The following KMT2C variants were observed in gnomAD, a reference collection of about 807,000 sequenced individuals.
KMT2C encodes the protein histone-lysine N-methyltransferase 2C.
KMT2C carries 88 observed loss-of-function variants against 507.9 expected under a neutral mutation model. The ratio of observed to expected loss-of-function variants is 0.17; its 90% CI spans 0.15 to 0.21. The LOEUF (loss-of-function observed/expected upper bound fraction) is 0.21, where lower values mean the gene tolerates loss of function less well. Among genes scored for constraint, KMT2C ranks in the 10% least tolerant of loss-of-function variants. The probability of loss-of-function intolerance (pLI) is 1.00; values close to 1 mark genes in which losing one functional copy is unlikely to be tolerated. For synonymous variants in KMT2C, 2,049 were observed against 2,080.8 expected (o/e 0.98, Z 0.42); for missense variants, 4,954 against 5,957.8 (o/e 0.83, Z 5.55).
At chr7:152,198,445 C>T (rs2094030327) in intron 27 of KMT2C, among the ~76,000 whole-genome samples, 1 of 152,066 alleles carries the variant, frequency 6.6e-6, no homozygotes, top group African/African-American at 2.4e-5. Flanking sequence ...ATAAAATTAA[C>T]TGAGTAACAA....
intron 6 of KMT2C, among the ~76,000 whole-genome samples, chr7:152,296,447 G>A (rs10249375): frequency 0.051 from 7,321 of 144,212 alleles, 677 homozygotes; most frequent in African/African-American, 0.18. Context: ...AAAAAAAAAA[G>A]AGAGAGAGAG....
In KMT2C at chr7:152,177,047, T is replaced by A. The variant is rs749023036; in HGVS notation, c.8406A>T (p.Lys2802Asn). The change falls in exon 38 of 59, where the codon AAA (lysine) becomes AAT (asparagine). Residue 2802 changes from lysine to asparagine, a missense_variant. Physicochemically the swap from Lys to Asn is moderately conservative, Grantham distance 94. Coordinates refer to ENST00000262189, the MANE Select transcript of KMT2C (RefSeq NM_170606.3). ...AATGTTTATCAGAGAGAACCAGAGT[T>A]TTGTTTTCTTGTTCCTTTTTTTTTG... ...VEPKKKEQEN[K>N]TLVLSDKHSP... is the part of the protein sequence containing the mutation. 31 of 1,612,634 alleles carry A rather than the reference T, an allele frequency of 1.9e-5. No homozygotes were observed. The highest frequency in any genetic ancestry group is 2.3e-5 in the Non-Finnish European group (27 of 1,179,768).
chr7:152,343,450 GAAA>G (rs200886066), intron 2 of KMT2C, among the ~76,000 whole-genome samples: 1 of 72,458 alleles, frequency 1.4e-5, no homozygotes, highest in African/African-American at 4.6e-5. Flanking sequence ...AAAAGACTGG[GAAA>G]AAAAAAAAAA....
intron 38 of KMT2C, among the ~76,000 whole-genome samples, chr7:152,175,552 G>A (rs1398534815): frequency 6.7e-6 from 1 of 150,234 alleles, no homozygotes; most frequent in Non-Finnish European, 1.5e-5. Flanking sequence ...CCACTTATGA[G>A]TGAGAACATG....
At chr7:152,240,572 CTT>C (rs2095364646) in intron 14 of KMT2C, among the ~76,000 whole-genome samples, 1 of 152,262 alleles carries the variant, frequency 6.6e-6, no homozygotes, top group Non-Finnish European at 1.5e-5. Context: ...TTTCAACTTC[CTT>C]CTTAGCATTT....
At chr7:152,322,071 A>C (rs190186987) in intron 3 of KMT2C, among the ~76,000 whole-genome samples, 1 of 151,660 alleles carries the variant, frequency 6.6e-6, no homozygotes, top group African/African-American at 2.4e-5. Context: ...AAAAAAAAAA[A>C]CCATACATCT....
intron 53 of KMT2C, among the ~76,000 whole-genome samples, chr7:152,145,951 G>C (rs555213468): frequency 3.9e-5 from 6 of 152,286 alleles, no homozygotes; most frequent in Non-Finnish European, 8.8e-5. Context: ...CGATTCCAAA[G>C]AAAACAATTA....
chr7:152,374,265 G>A (rs922749623), intron 1 of KMT2C, among the ~76,000 whole-genome samples: 9 of 151,892 alleles, frequency 5.9e-5, no homozygotes, highest in South Asian at 2.1e-4. Flanking sequence ...GCAGTGACCC[G>A]AGATTGCACC....
chr7:152,158,991 T>C lies in KMT2C; in HGVS notation c.11542A>G (p.Lys3848Glu), dbSNP rs745987050. The C allele has an allele frequency of 1.1e-5, 18 of 1,614,232 alleles. No individual in the cohort carries two copies. The highest frequency in any genetic ancestry group is 1.4e-5 in the Non-Finnish European group (17 of 1,180,052). Reference sequence around the variant, plus strand: ...CTCTGAGTCCGTTTGCTTCGCTGTTTCTTGGTTTCACTTCCTCCATCTGTT... The same window carrying C: ...CTCTGAGTCCGTTTGCTTCGCTGTTCCTTGGTTTCACTTCCTCCATCTGTT... ...PKTDGGSETK[K>E]QRSKRTQRTG... Residue 3848 changes from lysine (K) to glutamate (E), a missense_variant, in exon 44 of 59, where the codon AAA becomes GAA. Lys to Glu is a moderately conservative substitution (Grantham distance 56, BLOSUM62 1). Around this residue, in one of 29 missense-constraint regions of KMT2C, gnomAD observed 801 missense variants for 751.2 expected, o/e 1.07. Transcript: ENST00000262189.
At chr7:152,433,864 C>A (rs1477033161) in intron 1 of KMT2C, among the ~76,000 whole-genome samples, 2 of 152,266 alleles carry the variant, frequency 1.3e-5, no homozygotes, top group Admixed American at 6.5e-5. Flanking sequence ...TGTGAGTGTG[C>A]GCGTGTGCGC....
Position 152,174,231 on chromosome 7 carries a change from T to C in KMT2C, c.9274A>G (p.Ile3092Val), listed in dbSNP as rs1237156948. ...PFFPNIDFDA[I>V]TDPIMKAKMV... is the part of the protein sequence containing the mutation. ...TTGGCTTTCATTATAGGATCTGTAA[T>C]TGCATCAAAATCTAGAAAAGAAATA... Residue 3092 changes from isoleucine (I) to valine (V), a missense_variant, in exon 39 of 59, where the codon ATT becomes GTT. Coordinates refer to ENST00000262189, the MANE Select transcript of KMT2C (RefSeq NM_170606.3). The C allele has an allele frequency of 1.6e-5, 25 of 1,554,126 alleles. No individual in the cohort carries two copies. The highest frequency in any genetic ancestry group is 2.2e-5 in the Non-Finnish European group (25 of 1,131,522).
rs755418091 is a variant in KMT2C at position 152,433,148 on chromosome 7, GA to G, written c.161+2477del. ...GGGCTACAGAGCAAGACTTCGTCCA[GA>G]AAAAAAAAAAAAAGGCATCTTCTCT... On this transcript the variant is annotated intron_variant, in intron 1 of 58. Coordinates refer to ENST00000262189, the MANE Select transcript of KMT2C (RefSeq NM_170606.3). Among the ~76,000 whole-genome samples, 582 of 100,750 alleles carry G rather than the reference GA, an allele frequency of 5.8e-3. 3 individuals are homozygous for G. Among genetic ancestry groups the G allele is most frequent in the African/African-American group, 0.016 (417 of 26,136 alleles). 66.1% of individuals were successfully genotyped at this position (100,750 alleles called of 152,430 possible). A position where few individuals can be genotyped will look rare whatever the true frequency, so the allele number is the denominator to read the frequency against.
At chr7:152,374,873 A>ACT (rs1350251816) in intron 1 of KMT2C, among the ~76,000 whole-genome samples, 3 of 145,206 alleles carry the variant, frequency 2.1e-5, no homozygotes, top group Non-Finnish European at 4.5e-5. Context: ...ACACAGGGAG[A>ACT]CTCTGTCTCT....
chr7:152,186,374 T>C (rs1458862603), intron 33 of KMT2C, among the ~76,000 whole-genome samples: 2 of 152,190 alleles, frequency 1.3e-5, no homozygotes, highest in African/African-American at 4.8e-5. Context: ...AACATACCCA[T>C]GTACGTTCAT....
At chr7:152,187,883 T>C in intron 31 of KMT2C, 36 bp from the exon 32 acceptor site, 2 of 1,609,614 alleles carry the variant, frequency 1.2e-6, no homozygotes, top group Non-Finnish European at 1.7e-6. Flanking sequence ...GGCATGATAT[T>C]CACAAGTAAC....
At chr7:152,296,808 G>A (rs1195149656) in intron 6 of KMT2C, among the ~76,000 whole-genome samples, 1 of 151,624 alleles carries the variant, frequency 6.6e-6, no homozygotes, top group Admixed American at 6.6e-5. Context: ...ACAGAGACCG[G>A]ATTATCGGAT....
At chr7:152,160,226 C>G (rs541141802) in intron 43 of KMT2C, among the ~76,000 whole-genome samples, 16 of 152,106 alleles carry the variant, frequency 1.1e-4, no homozygotes, top group African/African-American at 3.9e-4. Context: ...GAGGCGAAAG[C>G]AGGCTTAGAC....
intron 31 of KMT2C, among the ~76,000 whole-genome samples, chr7:152,190,943 T>C (rs1018066078): frequency 1.3e-5 from 2 of 152,192 alleles, no homozygotes; most frequent in East Asian, 3.9e-4. Context: ...CAAGATCCTA[T>C]ACCTCTCACT....
In KMT2C at chr7:152,138,675, T is replaced by C. The variant is rs766734152; in HGVS notation, c.14643+121A>G. On this transcript the variant is annotated intron_variant, in intron 58 of 58. Transcript: ENST00000262189. The surrounding 1 kb of genome is among the most constrained non-coding windows in gnomAD (Gnocchi z 4.2). ...CAGGGTGGGAACATCTGGCCTATTATGGACAGAGTTTTTATCACAACAAAG... is the reference window on the plus strand; with the variant it reads ...CAGGGTGGGAACATCTGGCCTATTACGGACAGAGTTTTTATCACAACAAAG... 1 of 682,752 alleles carries C rather than the reference T, an allele frequency of 1.5e-6. No homozygotes were observed. The highest frequency in any genetic ancestry group is 2.6e-6 in the Non-Finnish European group (1 of 390,784). The allele number at this position is 682,752 out of a possible 1,614,324, so 42.3% of individuals were successfully genotyped here.
Sources: gnomAD v4.1 joint callset for allele counts (sites outside exome capture counted in the v4.1 genomes callset) on GRCh38, gnomAD v4.1.1 for gene constraint, gnomAD v4.1.1 regional missense constraint, Gnocchi (gnomAD v3.1) non-coding constraint, MANE v1.5 for transcripts, NCBI Gene and HGNC (gene_info 2026-07-23, HGNC 2026-07-21) for gene names.